COL5A1: variants seen among roughly 807,000 people sequenced by gnomAD.
The protein encoded by COL5A1 is collagen alpha-1(V) chain.
In COL5A1, 16 loss-of-function variants were observed where a neutral mutation model predicts 263.7. The ratio of observed to expected loss-of-function variants is 0.06; its 90% CI spans 0.04 to 0.09. The LOEUF (loss-of-function observed/expected upper bound fraction) is 0.09. Among genes scored for constraint, COL5A1 ranks in the 10% least tolerant of loss-of-function variants. COL5A1 has a pLI of 1.00. For synonymous variants in COL5A1, 1,012 were observed against 1,004.5 expected (o/e 1.01, Z -0.14); for missense variants, 2,036 against 2,540.5 (o/e 0.80, Z 4.27).
At chr9:134,762,018 C>A in intron 19 of COL5A1, 40 bp downstream of exon 19, 1 of 1,601,884 alleles carries the variant, frequency 6.2e-7, no homozygotes, top group Non-Finnish European at 8.5e-7. Context: ...CCTGCCTGCC[C>A]TACTCCTCAG....
chr9:134,752,746 C>A, intron 14 of COL5A1, 101 bp downstream of exon 14: 1 of 924,460 alleles, frequency 1.1e-6, no homozygotes, highest in Non-Finnish European at 1.7e-6. Flanking sequence ...GTCCTGTGGA[C>A]ACAGAGCGGC....
chr9:134,815,677 C>T (rs369332306), intron 51 of COL5A1, 48 bp downstream of exon 51: 16 of 1,583,450 alleles, frequency 1.0e-5, no homozygotes, highest in Non-Finnish European at 1.3e-5. Context: ...CAGTGCTGGC[C>T]TGCCTCTGCC....
chr9:134,675,066 A>G (rs1252446409), intron 1 of COL5A1, among the ~76,000 whole-genome samples: 1 of 152,180 alleles, frequency 6.6e-6, no homozygotes, highest in Non-Finnish European at 1.5e-5. Context: ...TGGCTATGGT[A>G]TTCTGTTGGT....
rs11103505 is a variant in COL5A1, at chr9:134,761,779, T to C, written c.1936-146T>C. The C allele has an allele frequency of 0.089, 75,345 of 845,254 alleles. 6,806 individuals are homozygous for C. The highest frequency in any genetic ancestry group is 0.29 in the African/African-American group (17,131 of 60,084). 52.4% of individuals were successfully genotyped at this position (845,254 alleles called of 1,614,324 possible). On this transcript the variant is annotated intron_variant, in intron 18 of 65. Coordinates refer to ENST00000371817, the MANE Select transcript of COL5A1 (RefSeq NM_000093.5). Reference sequence around the variant, plus strand: ...AGCCCGGCTGAGGCACACGTGATCTTCTAAGGAAAATTCCCCCATTCTGGA... The same window carrying C: ...AGCCCGGCTGAGGCACACGTGATCTCCTAAGGAAAATTCCCCCATTCTGGA...
intron 5 of COL5A1, 93 bp from the exon 6 acceptor site, chr9:134,728,577 G>A: frequency 1.0e-5 from 16 of 1,573,672 alleles, no homozygotes; most frequent in African/African-American, 1.3e-5. Flanking sequence ...GGGCGTCGTG[G>A]CGTGCAGATC....
rs761257919 is a variant in COL5A1, at chr9:134,754,317, C to T, written c.1818C>T (p.Pro606=). 1.8e-5 allele frequency: 29 copies of T among 1,613,916 alleles called. No homozygotes were observed. The highest frequency in any genetic ancestry group is 2.3e-5 in the Non-Finnish European group (27 of 1,180,046). ...VQGPPGPAGK[P]GRRGRAGSDG... is the part of the protein sequence containing the mutation. ...GCCCGCCTGGTCCGGCCGGGAAGCC[C>T]GGAAGACGGGTGAGTGGTGCGAGTG... is the stretch of plus-strand genomic sequence containing the variant. Residue 606 remains proline (P), a synonymous_variant, in exon 16 of 66, where the codon CCC becomes CCT. Transcript: ENST00000371817. The surrounding 1 kb of genome is among the most constrained non-coding windows in gnomAD (Gnocchi z 4.3).
At chr9:134,674,168 T>C (rs756909648) in intron 1 of COL5A1, among the ~76,000 whole-genome samples, 8 of 152,176 alleles carry the variant, frequency 5.3e-5, no homozygotes, top group Non-Finnish European at 8.8e-5. Context: ...TGTATAGGCA[T>C]TCATCCAAGA....
intron 46 of COL5A1, 73 bp downstream of exon 46, chr9:134,811,672 C>T: frequency 7.8e-7 from 1 of 1,275,250 alleles, no homozygotes; most frequent in Non-Finnish European, 1.1e-6. Flanking sequence ...GTGCTCTCTC[C>T]TCTTGTCTTT....
chr9:134,782,445 A>G, intron 28 of COL5A1: 1 of 643,412 alleles, frequency 1.6e-6, no homozygotes, highest in Non-Finnish European at 2.8e-6. Flanking sequence ...AGAAGCAGGG[A>G]CGCAGCTCTC....
intron 1 of COL5A1, among the ~76,000 whole-genome samples, chr9:134,679,682 G>A (rs1832795849): frequency 7.2e-6 from 1 of 139,140 alleles, no homozygotes; most frequent in African/African-American, 2.7e-5. Context: ...GGCTTCTTGG[G>A]GCACTGCGGG....
Position 134,823,447 on chromosome 9 carries a change from A to C in COL5A1, c.4676A>C (p.His1559Pro), listed in dbSNP as rs768691969. The change falls in exon 61 of 66, where the codon CAC (histidine) becomes CCC (proline). Residue 1559 changes from histidine (H) to proline (P), a missense_variant. His to Pro is a moderately conservative substitution (Grantham distance 77). Coordinates refer to ENST00000371817, the MANE Select transcript of COL5A1 (RefSeq NM_000093.5). ...ACTGGCCCGAAGGGTGAGGCAGGCCACCCAGGACCCCCAGGCCCCCCGGTA... is the reference window on the plus strand; with the variant it reads ...ACTGGCCCGAAGGGTGAGGCAGGCCCCCCAGGACCCCCAGGCCCCCCGGTA... Reference protein sequence around the residue: ...GPTGPKGEAGHPGPPGPPGPP... With the variant: ...GPTGPKGEAGPPGPPGPPGPP... The C allele has an allele frequency of 5.0e-5, 80 of 1,613,976 alleles. No homozygotes were observed. In the Admixed American group the frequency reaches 7.5e-4, roughly 15 times the overall value.
At chr9:134,759,293 TACACACCC>T (rs1203616380) in intron 18 of COL5A1, among the ~76,000 whole-genome samples, 1 of 98,670 alleles carries the variant, frequency 1.0e-5, no homozygotes, top group Non-Finnish European at 1.9e-5. Context: ...CACACACGCA[TACACACCC>T]ACACACCCCC....
At chr9:134,785,230 C>A in intron 30 of COL5A1, 134 bp downstream of exon 30, 1 of 663,028 alleles carries the variant, frequency 1.5e-6, no homozygotes, top group Non-Finnish European at 2.7e-6. Flanking sequence ...CTCCTGTCTC[C>A]ACCCTGGGTT....
rs1242917184 is a variant in COL5A1 at position 134,795,410 on chromosome 9, A to AT, written c.2799+97dup. 28 of 944,082 alleles carry AT rather than the reference A, an allele frequency of 3.0e-5. No individual in the cohort carries two copies. In the East Asian group the frequency reaches 6.4e-4, roughly 21 times the overall value. 58.5% of individuals were successfully genotyped at this position (944,082 alleles called of 1,614,324 possible). ...TCTGAGGGTGTCTGTGACCTTTTTT[A>AT]TTAAAAAAAAAAAAAAAGGCAGGAC... On this transcript the variant is annotated intron_variant, in intron 34 of 65. Coordinates refer to ENST00000371817, the MANE Select transcript of COL5A1 (RefSeq NM_000093.5).
At chr9:134,710,534 G>GCC (rs1833991150) in intron 4 of COL5A1, among the ~76,000 whole-genome samples, 1 of 140,986 alleles carries the variant, frequency 7.1e-6, no homozygotes. Flanking sequence ...TGGGGCAGGG[G>GCC]CCCCATTTGT....
At chr9:134,675,137 A>G (rs1275265485) in intron 1 of COL5A1, among the ~76,000 whole-genome samples, 2 of 152,096 alleles carry the variant, frequency 1.3e-5, no homozygotes, top group East Asian at 1.9e-4. Context: ...CTTTCTTTCT[A>G]TGTTTTTTCA....
chr9:134,740,077 C>T (rs983234172), intron 11 of COL5A1, among the ~76,000 whole-genome samples: 1 of 152,196 alleles, frequency 6.6e-6, no homozygotes, highest in Non-Finnish European at 1.5e-5. Flanking sequence ...GGTCTTGCTC[C>T]ATGGCAAGGG....
At chr9:134,649,774 C>A (rs764438498) in intron 1 of COL5A1, among the ~76,000 whole-genome samples, 3 of 152,258 alleles carry the variant, frequency 2.0e-5, no homozygotes, top group East Asian at 1.9e-4. Flanking sequence ...CAAAGACTTG[C>A]AACCAACCCA....
intron 44 of COL5A1, among the ~76,000 whole-genome samples, chr9:134,811,072 G>A (rs1426292205): frequency 6.6e-6 from 1 of 152,302 alleles, no homozygotes; most frequent in Admixed American, 6.5e-5. Flanking sequence ...GGTGCATGAT[G>A]GGAGCTGAGA....
Sources: allele counts gnomAD v4.1 joint callset (sites outside exome capture counted in the v4.1 genomes callset), GRCh38; gene constraint gnomAD v4.1.1; non-coding constraint Gnocchi (gnomAD v3.1); transcripts MANE v1.5; gene names NCBI Gene and HGNC (gene_info 2026-07-23, HGNC 2026-07-21).